The following CCDC178 variants were observed in gnomAD, a reference collection of about 807,000 sequenced individuals.
CCDC178 encodes coiled-coil domain-containing protein 178.
Under a neutral mutation model 117.4 loss-of-function variants are expected in CCDC178, and 126 were observed. The observed-to-expected ratio is 1.07, with a 90% CI of 0.93 to 1.24. The LOEUF (loss-of-function observed/expected upper bound fraction) is 1.24. CCDC178 is among the 50% of genes most tolerant of loss of function. The pLI is 0.00. For missense variants in CCDC178, 1,030 were observed against 986.9 expected, an observed-to-expected ratio of 1.04 and a Z score of -0.59; for synonymous variants, 283 against 313.4, an observed-to-expected ratio of 0.90 and a Z score of 1.02.
chr18:33,396,574 G>A (rs2063639851), intron 4 of CCDC178, among the ~76,000 whole-genome samples: 1 of 151,970 alleles, frequency 6.6e-6, no homozygotes, highest in Non-Finnish European at 1.5e-5. Flanking sequence ...ATTACATTGA[G>A]CAAAAAAAGT....
chr18:33,437,386 CTGTTCAACCATAT>C (rs898665350), intron 2 of CCDC178, among the ~76,000 whole-genome samples: 7 of 152,152 alleles, frequency 4.6e-5, no homozygotes, highest in African/African-American at 1.4e-4. Context: ...CTTTTACTGT[CTGTTCAACCATAT>C]TGTTGCCCCT....
At chr18:33,267,971 C>T (rs2059838779) in intron 12 of CCDC178, among the ~76,000 whole-genome samples, 1 of 151,112 alleles carries the variant, frequency 6.6e-6, no homozygotes, top group Admixed American at 6.6e-5. Context: ...AAAAATTTGA[C>T]AAAAAGAAGA....
chr18:33,246,794 C>A (rs1017873643), intron 14 of CCDC178, among the ~76,000 whole-genome samples: 1 of 151,720 alleles, frequency 6.6e-6, no homozygotes, highest in African/African-American at 2.4e-5. Flanking sequence ...ACATAGAGAG[C>A]AAGGAGCAAA....
Position 33,353,916 on chromosome 18 carries a change from C to G in CCDC178, c.371+2408G>C, listed in dbSNP as rs571565284. On this transcript the variant is annotated intron_variant, in intron 7 of 22. Coordinates refer to ENST00000383096, the MANE Select transcript of CCDC178 (RefSeq NM_001105528.4). Reference sequence around the variant, plus strand: ...TTATCATATGGCTTCCAGTTACTCTCTAGTGTCGTTTCATTTCAGCCTGAA... The same window carrying G: ...TTATCATATGGCTTCCAGTTACTCTGTAGTGTCGTTTCATTTCAGCCTGAA... 8.5e-5 allele frequency among the ~76,000 whole-genome samples: 13 copies of G among 152,252 alleles called. No individual in the cohort carries two copies. In the East Asian group the frequency reaches 2.5e-3, roughly 29 times the overall value.
chr18:33,235,522 T>G (rs2144662307), intron 15 of CCDC178, among the ~76,000 whole-genome samples: 1 of 152,128 alleles, frequency 6.6e-6, no homozygotes, highest in African/African-American at 2.4e-5. Context: ...GTATAAGGGG[T>G]TTTTCATAAA....
At chr18:33,056,989 TGTAATAAGCACATATTAACA>T (rs986513541) in intron 21 of CCDC178, among the ~76,000 whole-genome samples, 3 of 151,454 alleles carry the variant, frequency 2.0e-5, no homozygotes, top group Non-Finnish European at 4.4e-5. Flanking sequence ...TCCAATATTC[TGTAATAAGCACATATTAACA>T]GTATAGACAG....
At chr18:33,094,912 T>C (rs943842433) in intron 20 of CCDC178, among the ~76,000 whole-genome samples, 1 of 151,982 alleles carries the variant, frequency 6.6e-6, no homozygotes, top group African/African-American at 2.4e-5. Context: ...TCAGTGACCT[T>C]CAGATGTATA....
intron 20 of CCDC178, among the ~76,000 whole-genome samples, chr18:33,202,539 A>G (rs1330149339): frequency 6.6e-6 from 1 of 151,780 alleles, no homozygotes; most frequent in African/African-American, 2.4e-5. Flanking sequence ...ACCACCTCTT[A>G]CCTTCTAATG....
At chr18:33,346,504 C>T in intron 8 of CCDC178, 93 bp from the exon 9 acceptor site, 1 of 539,892 alleles carries the variant, frequency 1.9e-6, no homozygotes, top group Non-Finnish European at 2.9e-6. Flanking sequence ...TTATATTTTT[C>T]TATATATTTA....
chr18:33,400,674 T>TTAA (rs1444269579), intron 3 of CCDC178, among the ~76,000 whole-genome samples: 2 of 152,214 alleles, frequency 1.3e-5, no homozygotes, highest in Non-Finnish European at 2.9e-5. Flanking sequence ...AAGGGAATGT[T>TTAA]GTGTCTGGTT....
intron 11 of CCDC178, among the ~76,000 whole-genome samples, chr18:33,319,552 T>C (rs1163112351): frequency 2.6e-5 from 4 of 152,308 alleles, no homozygotes; most frequent in Non-Finnish European, 5.9e-5. Context: ...TTTAGGTATA[T>C]ACCCAGTAAT....
chr18:33,029,690 G>T (rs1249058916), intron 21 of CCDC178, among the ~76,000 whole-genome samples: 1 of 151,812 alleles, frequency 6.6e-6, no homozygotes, highest in Non-Finnish European at 1.5e-5. Flanking sequence ...TTGGTATATG[G>T]TGTCCTTATC....
At chr18:33,321,315 G>A (rs1431134114) in intron 11 of CCDC178, among the ~76,000 whole-genome samples, 2 of 152,036 alleles carry the variant, frequency 1.3e-5, no homozygotes, top group African/African-American at 4.8e-5. Flanking sequence ...CCTACAGAAT[G>A]GGAGAAAATT....
chr18:33,356,124 G>T (rs1489661662), intron 7 of CCDC178, among the ~76,000 whole-genome samples, 200 bp downstream of exon 7: 1 of 152,032 alleles, frequency 6.6e-6, no homozygotes, highest in Non-Finnish European at 1.5e-5. Flanking sequence ...TTGTGGAGGG[G>T]TGGAGCTCTG....
chr18:33,214,088 C>A (rs1449558249), intron 19 of CCDC178, among the ~76,000 whole-genome samples: 3 of 152,026 alleles, frequency 2.0e-5, no homozygotes, highest in Non-Finnish European at 4.4e-5. Flanking sequence ...ACACTTGGAA[C>A]AGGTTGGAGC....
intron 21 of CCDC178, among the ~76,000 whole-genome samples, chr18:33,042,774 T>C (rs987519946): frequency 6.6e-6 from 1 of 151,962 alleles, no homozygotes; most frequent in Non-Finnish European, 1.5e-5. Flanking sequence ...GAGAAAAATA[T>C]TACTAATTTT....
intron 5 of CCDC178, among the ~76,000 whole-genome samples, chr18:33,370,528 C>A (rs2063284415): frequency 6.6e-6 from 1 of 151,858 alleles, no homozygotes; most frequent in African/African-American, 2.4e-5. Context: ...CCATGTGTTA[C>A]TAAACAGATT....
chr18:33,232,809 G>A (rs943093042), intron 15 of CCDC178, among the ~76,000 whole-genome samples: 2 of 152,102 alleles, frequency 1.3e-5, no homozygotes, highest in Non-Finnish European at 2.9e-5. Context: ...TGAATTTAAA[G>A]TTATTATCTC....
At chr18:33,265,805 A>G (rs1454411596) in intron 14 of CCDC178, among the ~76,000 whole-genome samples, 3 of 152,034 alleles carry the variant, frequency 2.0e-5, no homozygotes, top group Non-Finnish European at 4.4e-5. Flanking sequence ...TAGATAATGT[A>G]TTAGAGAGTG....
Sources: gnomAD v4.1 joint callset for allele counts (sites outside exome capture counted in the v4.1 genomes callset) on GRCh38, gnomAD v4.1.1 for gene constraint, MANE v1.5 for transcripts, NCBI Gene and HGNC (gene_info 2026-07-23, HGNC 2026-07-21) for gene names.